RARB: variants seen among roughly 807,000 people sequenced by gnomAD.
The protein encoded by RARB is HBV-activated protein.
RARB carries 17 observed loss-of-function variants against 51.9 expected under a neutral mutation model. The ratio of observed to expected loss-of-function variants is 0.33; its 90% CI spans 0.22 to 0.49. The LOEUF (loss-of-function observed/expected upper bound fraction) is 0.49, where lower values mean the gene tolerates loss of function less well. RARB is among the 20% of genes least tolerant of loss of function. The probability of loss-of-function intolerance (pLI) is 0.99; values close to 1 mark genes in which losing one functional copy is unlikely to be tolerated. For synonymous variants in RARB, 215 were observed against 195.4 expected, an observed-to-expected ratio of 1.10 and a Z score of -0.84; for missense variants, 369 against 550.8, an observed-to-expected ratio of 0.67 and a Z score of 3.30.
At chr3:25,276,835 C>T (rs189025458) in intron 5 of RARB, among the ~76,000 whole-genome samples, 4 of 152,192 alleles carry the variant, frequency 2.6e-5, no homozygotes, top group Admixed American at 2.0e-4. Context: ...TGACAGGTCT[C>T]GGGATCAAAA....
chr3:24,849,028 CA>C (rs1156709411), intron 1 of RARB, among the ~76,000 whole-genome samples: 2 of 152,200 alleles, frequency 1.3e-5, no homozygotes, highest in African/African-American at 4.8e-5. Flanking sequence ...TATAGTAGTC[CA>C]CTGTTATCTG....
chr3:24,913,341 A>G (rs1695039025), intron 2 of RARB, among the ~76,000 whole-genome samples: 1 of 150,960 alleles, frequency 6.6e-6, no homozygotes, highest in African/African-American at 2.4e-5. Flanking sequence ...CAATTTACAG[A>G]CAATTGTAGA....
chr3:25,278,271 C>G (rs533894770), intron 5 of RARB, among the ~76,000 whole-genome samples: 2 of 152,080 alleles, frequency 1.3e-5, no homozygotes, highest in Non-Finnish European at 1.5e-5. Context: ...ACTGTTTTGT[C>G]GTAAAGATTA....
At position 25,329,088 on chromosome 3, in the gene RARB, C is replaced by G. The variant is rs146258232; in HGVS notation, c.179-132105C>G. Reference sequence around the variant, plus strand: ...GGCCTGCCTGCCTCTGTAAACTGCACCTCTCAGGGCAGGGCATAGATGAAC... The same window carrying G: ...GGCCTGCCTGCCTCTGTAAACTGCAGCTCTCAGGGCAGGGCATAGATGAAC... On this transcript the variant is annotated intron_variant, in intron 5 of 11. Transcript: ENST00000383772. Among the ~76,000 whole-genome samples, 12 of 152,344 alleles carry G rather than the reference C, an allele frequency of 7.9e-5. No homozygotes were observed. In the East Asian group the frequency reaches 2.3e-3, roughly 29 times the overall value.
chr3:25,077,958 T>C (rs1232594347), intron 3 of RARB, among the ~76,000 whole-genome samples: 1 of 152,158 alleles, frequency 6.6e-6, no homozygotes, highest in Non-Finnish European at 1.5e-5. Flanking sequence ...GACCATTTTT[T>C]CCCATGGCTT....
At chr3:25,212,258 A>G (rs970364569) in intron 5 of RARB, among the ~76,000 whole-genome samples, 10 of 152,258 alleles carry the variant, frequency 6.6e-5, no homozygotes, top group African/African-American at 2.4e-4. Context: ...TAAATAATAT[A>G]GACTATGCTA....
At chr3:25,376,749 G>A (rs934972118) in intron 5 of RARB, among the ~76,000 whole-genome samples, 1 of 152,138 alleles carries the variant, frequency 6.6e-6, no homozygotes, top group East Asian at 1.9e-4. Context: ...TTGGCTCATT[G>A]CATCCATGTG....
chr3:25,350,467 T>C (rs542085462), intron 5 of RARB, among the ~76,000 whole-genome samples: 8 of 152,340 alleles, frequency 5.3e-5, no homozygotes, highest in Non-Finnish European at 8.8e-5. Flanking sequence ...GTCTGCTGAA[T>C]AGGCATCTCT....
At chr3:25,119,015 A>G (rs944885902) in intron 3 of RARB, among the ~76,000 whole-genome samples, 13 of 152,174 alleles carry the variant, frequency 8.5e-5, no homozygotes, top group African/African-American at 3.1e-4. Flanking sequence ...AAAAAATATC[A>G]TGCAGTTTTT....
chr3:25,052,975 T>C (rs1426817704), intron 2 of RARB, among the ~76,000 whole-genome samples: 10 of 152,126 alleles, frequency 6.6e-5, no homozygotes, highest in Non-Finnish European at 1.5e-4. Flanking sequence ...CTAGGTTACC[T>C]GGACCCAACT....
At chr3:25,053,864 C>T (rs188265486) in intron 2 of RARB, among the ~76,000 whole-genome samples, 1 of 152,282 alleles carries the variant, frequency 6.6e-6, no homozygotes, top group East Asian at 1.9e-4. Flanking sequence ...ACCTCAAATG[C>T]AGTGGTCCAT....
At chr3:25,262,909 A>G (rs963480272) in intron 5 of RARB, among the ~76,000 whole-genome samples, 12 of 152,176 alleles carry the variant, frequency 7.9e-5, no homozygotes, top group African/African-American at 2.9e-4. Context: ...AAATATTGTC[A>G]TAAGCATTTG....
At chr3:25,467,069 T>G (rs554232740) in intron 2 of RARB, among the ~76,000 whole-genome samples, 25 of 152,300 alleles carry the variant, frequency 1.6e-4, no homozygotes, top group African/African-American at 6.0e-4. Flanking sequence ...GCTTAGAAGC[T>G]TTAAGCCATG....
intron 5 of RARB, among the ~76,000 whole-genome samples, chr3:25,297,237 G>A (rs1332921551): frequency 6.6e-6 from 1 of 152,092 alleles, no homozygotes; most frequent in Non-Finnish European, 1.5e-5. Flanking sequence ...TCAGGATAAA[G>A]TAAGGGAATT....
intron 2 of RARB, among the ~76,000 whole-genome samples, chr3:24,909,238 C>G (rs1227637351): frequency 6.6e-6 from 1 of 152,222 alleles, no homozygotes; most frequent in Admixed American, 6.5e-5. Context: ...TTTGTTCTCA[C>G]TGAACCACTA....
At chr3:25,502,424 G>A (rs1460779294) in intron 3 of RARB, among the ~76,000 whole-genome samples, 1 of 152,174 alleles carries the variant, frequency 6.6e-6, no homozygotes, top group Admixed American at 6.5e-5. Flanking sequence ...TGGGAATCTT[G>A]CCCTCTGCTG....
chr3:25,113,336 T>A (rs1699633710), intron 3 of RARB, among the ~76,000 whole-genome samples: 2 of 152,198 alleles, frequency 1.3e-5, no homozygotes, highest in African/African-American at 4.8e-5. Context: ...GTACAATATG[T>A]TTTAGCATCA....
At chr3:25,358,297 A>G (rs752415988) in intron 5 of RARB, among the ~76,000 whole-genome samples, 1 of 152,166 alleles carries the variant, frequency 6.6e-6, no homozygotes, top group African/African-American at 2.4e-5. Flanking sequence ...TTATTGGTGT[A>G]TAGGAGTACT....
chr3:24,952,205 C>G (rs183293910), intron 2 of RARB, among the ~76,000 whole-genome samples: 134 of 151,608 alleles, frequency 8.8e-4, no homozygotes, highest in African/African-American at 3.2e-3. Flanking sequence ...GAGACCCTGT[C>G]TATTTAAACA....
Sources: gnomAD v4.1 joint callset for allele counts (sites outside exome capture counted in the v4.1 genomes callset) on GRCh38, gnomAD v4.1.1 for gene constraint, MANE v1.5 for transcripts, NCBI Gene and HGNC (gene_info 2026-07-23, HGNC 2026-07-21) for gene names.